Variants in APC observed in about 807,000 individuals in gnomAD.
APC encodes the protein adenomatous polyposis coli protein.
APC carries 72 observed loss-of-function variants against 247.0 expected under a neutral mutation model. The observed-to-expected ratio is 0.29, with a 90% CI of 0.24 to 0.35. The LOEUF (loss-of-function observed/expected upper bound fraction) is 0.35. Among genes scored for constraint, APC ranks in the 10% least tolerant of loss-of-function variants. APC has a pLI of 1.00. For missense variants in APC, 3,400 were observed against 3,360.7 expected, an observed-to-expected ratio of 1.01 and a Z score of -0.29; for synonymous variants, 1,254 against 1,162.5, an observed-to-expected ratio of 1.08 and a Z score of -1.60.
At chr5:112,805,847 C>T (rs1369218835) in intron 8 of APC, among the ~76,000 whole-genome samples, 4 of 152,158 alleles carry the variant, frequency 2.6e-5, no homozygotes, top group South Asian at 2.1e-4. Context: ...TGTATTCTAC[C>T]GCTTCTCTCA....
At chr5:112,709,346 T>G (rs553122989) in intron 1 of APC, among the ~76,000 whole-genome samples, 2 of 152,306 alleles carry the variant, frequency 1.3e-5, no homozygotes, top group South Asian at 2.1e-4. Context: ...AATTTAGAGA[T>G]AGAATTGTTC....
chr5:112,825,560 G>T (rs760370315), intron 11 of APC, among the ~76,000 whole-genome samples: 4 of 152,098 alleles, frequency 2.6e-5, no homozygotes, highest in Middle Eastern at 3.4e-3. Flanking sequence ...TGTTAGATAC[G>T]CATTCATCTG....
chr5:112,736,391 C>T (rs1752384751), upstream of APC, among the ~76,000 whole-genome samples: 1 of 152,126 alleles, frequency 6.6e-6, no homozygotes, highest in Non-Finnish European at 1.5e-5. Flanking sequence ...CATTGTAACA[C>T]AGGGACTAAT....
At chr5:112,819,792 C>G (rs1397919025) in intron 10 of APC, among the ~76,000 whole-genome samples, 1 of 152,134 alleles carries the variant, frequency 6.6e-6, no homozygotes, top group Admixed American at 6.5e-5. Context: ...GTTATTTGCT[C>G]CTCACATCAA....
intron 1 of APC, among the ~76,000 whole-genome samples, chr5:112,716,631 A>C (rs1490280672): frequency 6.6e-6 from 1 of 152,102 alleles, no homozygotes; most frequent in Non-Finnish European, 1.5e-5. Flanking sequence ...TCAGTTACTA[A>C]AAGTGTATGT....
At chr5:112,740,504 T>C (rs1752865274) in intron 1 of APC, among the ~76,000 whole-genome samples, 1 of 148,802 alleles carries the variant, frequency 6.7e-6, no homozygotes, top group Non-Finnish European at 1.5e-5. Context: ...TTGAAGTTTT[T>C]GTTTTTTGTG....
Position 112,814,194 on chromosome 5 carries a change from A to T in APC, c.835-1301A>T, listed in dbSNP as rs563597771. Among the ~76,000 whole-genome samples the T allele has an allele frequency of 4.6e-4, 70 of 152,290 alleles. 1 individual carries two copies. Among genetic ancestry groups the T allele is most frequent in the Admixed American group, 2.0e-3 (31 of 15,296 alleles). On this transcript the variant is annotated intron_variant, in intron 8 of 15. Coordinates refer to ENST00000257430, the MANE Select transcript of APC (RefSeq NM_000038.6). ...AATGCCTGCAAATATTGCTGACACTATTCTTACAGTCATTTCCTTAATTAT... is the reference window on the plus strand; with the variant it reads ...AATGCCTGCAAATATTGCTGACACTTTTCTTACAGTCATTTCCTTAATTAT...
Position 112,811,250 on chromosome 5 carries a change from A to G in APC, c.835-4245A>G, listed in dbSNP as rs549673627. On this transcript the variant is annotated intron_variant, in intron 8 of 15. Transcript: ENST00000257430. ...CAGCGAGTGCTTCTATCTTTGGACA[A>G]TGAGCAAAGCTGATTCAAGGGATGT... is the stretch of plus-strand genomic sequence containing the variant. Among the ~76,000 whole-genome samples the G allele has an allele frequency of 6.9e-4, 105 of 152,354 alleles. 1 individual carries two copies. The highest frequency in any genetic ancestry group is 3.4e-3 in the Middle Eastern group (1 of 294).
intron 2 of APC, among the ~76,000 whole-genome samples, chr5:112,761,548 G>T (rs910352035): frequency 6.6e-6 from 1 of 152,098 alleles, no homozygotes; most frequent in Non-Finnish European, 1.5e-5. Flanking sequence ...TGAGAAGACA[G>T]AATTAGTGAA....
chr5:112,791,424 A>C (rs1000421988), intron 6 of APC, among the ~76,000 whole-genome samples: 1 of 152,178 alleles, frequency 6.6e-6, no homozygotes, highest in African/African-American at 2.4e-5. Flanking sequence ...CCCAGCCCCC[A>C]GGCCACGAGC....
intron 10 of APC, 143 bp from the exon 11 acceptor site, chr5:112,821,753 C>A (rs1763150268): frequency 3.0e-6 from 2 of 669,468 alleles, no homozygotes; most frequent in Non-Finnish European, 5.3e-6. Context: ...ATTTATTCAT[C>A]CTTTCAGCAA....
rs370711075 is a variant in APC, at chr5:112,839,681, A to G, written c.4087A>G (p.Lys1363Glu). The G allele has an allele frequency of 2.5e-6, 4 of 1,614,104 alleles. No homozygotes were observed. Among genetic ancestry groups the G allele is most frequent in the Non-Finnish European group, 3.4e-6 (4 of 1,179,994 alleles). The change falls in exon 16 of 16, where the codon AAA becomes GAA. Residue 1363 changes from lysine to glutamate, a missense_variant. This residue lies in a region of APC where 715 missense variants were observed against 656.6 expected (regional missense o/e 1.09). Transcript: ENST00000257430. This position sits in a 1 kb window ranked among gnomAD's most constrained non-coding sequence, Gnocchi z 5.0. ...TTCTTCAGGAGCGAAATCTCCCTCC[A>G]AAAGTGGTGCTCAGACACCCAAAAG... Reference protein sequence around the residue: ...EFSSGAKSPSKSGAQTPKSPP... With the variant: ...EFSSGAKSPSESGAQTPKSPP...
chr5:112,713,681 T>C (rs986787842), intron 1 of APC, among the ~76,000 whole-genome samples: 9 of 152,186 alleles, frequency 5.9e-5, no homozygotes, highest in African/African-American at 2.2e-4. Flanking sequence ...CAGTGTTTAT[T>C]TTCTGAGAGA....
intron 1 of APC, among the ~76,000 whole-genome samples, chr5:112,722,153 C>A (rs1751515899): frequency 6.6e-6 from 1 of 152,170 alleles, no homozygotes; most frequent in Non-Finnish European, 1.5e-5. Flanking sequence ...TTTGAAGTTA[C>A]AGGGGAGTTC....
rs876659280 is a variant in APC, at chr5:112,843,309, C to T, written c.7715C>T (p.Ser2572Leu). 2 of 1,613,568 alleles carry T rather than the reference C, an allele frequency of 1.2e-6. No homozygotes were observed. Among genetic ancestry groups the T allele is most frequent in the Non-Finnish European group, 1.7e-6 (2 of 1,179,562 alleles). ...STWRRTGSSS[S>L]ILSASSESSE... is the part of the protein sequence containing the mutation. Reference sequence around the variant, plus strand: ...TGGAGAAGAACTGGAAGTTCATCTTCAATTCTTTCTGCTTCATCAGAATCC... The same window carrying T: ...TGGAGAAGAACTGGAAGTTCATCTTTAATTCTTTCTGCTTCATCAGAATCC... The change falls in exon 16 of 16, where the codon TCA (serine) becomes TTA (leucine). Residue 2572 changes from serine to leucine, a missense_variant. Ser to Leu is a moderately radical substitution (Grantham distance 145). Coordinates refer to ENST00000257430, the MANE Select transcript of APC (RefSeq NM_000038.6). The surrounding 1 kb of genome is among the most constrained non-coding windows in gnomAD (Gnocchi z 4.8).
chr5:112,844,093 C>T lies in APC; in HGVS notation c.8499C>T (p.Arg2833=), dbSNP rs757921527. The T allele has an allele frequency of 6.2e-7, 1 of 1,611,840 alleles. No homozygotes were observed. Among genetic ancestry groups the T allele is most frequent in the Non-Finnish European group, 8.5e-7 (1 of 1,179,416 alleles). The change falls in exon 16 of 16, where the codon CGC becomes CGT. Residue 2833 remains arginine, a synonymous_variant. Coordinates refer to ENST00000257430, the MANE Select transcript of APC (RefSeq NM_000038.6). ...CCAGTGGAACCCAAAGTCCTAAGCG[C>T]CATTCTGGGTCTTACCTTGTGACAT... The part of the protein sequence containing the change: ...TESSGTQSPK[R]HSGSYLVTSV
At chr5:112,718,044 T>G (rs1010286325) in intron 1 of APC, among the ~76,000 whole-genome samples, 1 of 150,034 alleles carries the variant, frequency 6.7e-6, no homozygotes, top group East Asian at 2.0e-4. Context: ...ACTCATTCAG[T>G]AAATACCTAA....
At position 112,837,853 on chromosome 5, in the gene APC, T is replaced by C. The variant is rs763155470; in HGVS notation, c.2259T>C (p.His753=). The part of the protein sequence containing the change: ...MSPGSSLPSL[H]VRKQKALEAE... ...CTGGCTCAAGCTTGCCATCTCTTCA[T>C]GTTAGGAAACAAAAAGCCCTAGAAG... Residue 753 remains histidine (H), a synonymous_variant, in exon 16 of 16, where the codon CAT becomes CAC. Transcript: ENST00000257430. The C allele has an allele frequency of 2.5e-6, 4 of 1,614,078 alleles. No homozygotes were observed. The highest frequency in any genetic ancestry group is 3.4e-6 in the Non-Finnish European group (4 of 1,180,026).
chr5:112,759,450 C>T (rs746027674), intron 2 of APC, among the ~76,000 whole-genome samples: 5 of 151,030 alleles, frequency 3.3e-5, no homozygotes, highest in South Asian at 2.1e-4. Context: ...CTCCGCCTCC[C>T]GGGTTCAAGC....
Sources: allele counts gnomAD v4.1 joint callset (sites outside exome capture counted in the v4.1 genomes callset), GRCh38; gene constraint gnomAD v4.1.1; regional missense constraint gnomAD v4.1.1; non-coding constraint Gnocchi (gnomAD v3.1); transcripts MANE v1.5; gene names NCBI Gene and HGNC (gene_info 2026-07-23, HGNC 2026-07-21).